Variants in ST3GAL5 observed in about 807,000 individuals in gnomAD.
ST3GAL5 encodes lactosylceramide alpha-2,3-sialyltransferase.
In ST3GAL5, 25 loss-of-function variants were observed where a neutral mutation model predicts 46.1. That is an observed-to-expected ratio of 0.54 (90% CI 0.40 to 0.76). ST3GAL5 has a LOEUF of 0.76. Ranked by LOEUF, ST3GAL5 falls within the 30% of genes least tolerant of loss-of-function variation. ST3GAL5 has a pLI of 0.00. For missense variants in ST3GAL5, 431 were observed against 521.2 expected (o/e 0.83, Z 1.69); for synonymous variants, 182 against 192.7 (o/e 0.94, Z 0.46).
chr2:85,888,670 G>C, intron 1 of ST3GAL5, 154 bp downstream of exon 1: 1 of 491,782 alleles, frequency 2.0e-6, no homozygotes, highest in Non-Finnish European at 2.9e-6. Flanking sequence ...CCGCGCCCCA[G>C]CCGGGCTCGC....
rs905087231 is a variant in ST3GAL5, at chr2:85,846,068, C to T, written c.849+309G>A. On this transcript the variant is annotated intron_variant, in intron 5 of 6. Transcript: ENST00000638572. ...AAAATTAACTGGGCGTGGTGGCAGG[C>T]GCCTGTAATCCTAGCTACTCGGGAG... The T allele has an allele frequency of 4.8e-5, 15 of 314,720 alleles. No individual in the cohort carries two copies. The East Asian group carries it at 7.2e-4, about 15-fold the overall frequency. 19.5% of individuals were successfully genotyped at this position (314,720 alleles called of 1,614,324 possible).
chr2:85,861,976 T>C (rs1009110399), intron 2 of ST3GAL5, among the ~76,000 whole-genome samples: 5 of 152,002 alleles, frequency 3.3e-5, no homozygotes, highest in African/African-American at 1.2e-4. Context: ...AATTCTGTTC[T>C]TGAAAAAACA....
intron 3 of ST3GAL5, chr2:85,848,434 G>T (rs1683087914): frequency 1.3e-6 from 2 of 1,503,334 alleles, no homozygotes; most frequent in South Asian, 2.4e-5. Context: ...TCATTTCATT[G>T]CACAGGCAAA....
chr2:85,840,720 C>T (rs1330743301), intron 6 of ST3GAL5, among the ~76,000 whole-genome samples: 5 of 151,696 alleles, frequency 3.3e-5, no homozygotes, highest in Admixed American at 2.6e-4. Flanking sequence ...CCGAGGTGGG[C>T]GGATCACGAG....
At chr2:85,847,531 AG>A in intron 4 of ST3GAL5, 1 of 1,096,620 alleles carries the variant, frequency 9.1e-7, no homozygotes, top group Non-Finnish European at 1.1e-6. Flanking sequence ...CTGTTCCTGG[AG>A]CCACACTGAC....
chr2:85,872,916 T>C (rs533781980), intron 1 of ST3GAL5, among the ~76,000 whole-genome samples: 1 of 152,294 alleles, frequency 6.6e-6, no homozygotes, highest in South Asian at 2.1e-4. Context: ...AGTGTTGGGA[T>C]GCATGCAGGT....
intron 4 of ST3GAL5, among the ~76,000 whole-genome samples, chr2:85,846,948 C>A (rs903526854): frequency 2.0e-5 from 3 of 152,146 alleles, no homozygotes; most frequent in Non-Finnish European, 4.4e-5. Context: ...TCTAGTCCAC[C>A]ATGCCTGGCT....
At chr2:85,854,722 G>C (rs1683908107) in intron 3 of ST3GAL5, 1 of 152,212 alleles carries the variant, frequency 6.6e-6, no homozygotes. Flanking sequence ...ATATATGTAA[G>C]TGCATATTAA....
intron 1 of ST3GAL5, among the ~76,000 whole-genome samples, chr2:85,868,334 C>T (rs1055086346): frequency 1.3e-5 from 2 of 152,206 alleles, no homozygotes; most frequent in African/African-American, 4.8e-5. Flanking sequence ...TGGGATCTTG[C>T]TCTGTCACCC....
rs1686461596 is a variant in ST3GAL5 at position 85,875,658 on chromosome 2, G to A, written c.83-12173C>T. The A allele has an allele frequency of 1.3e-5, 2 of 152,098 alleles. 1 individual carries two copies. The highest frequency in any genetic ancestry group is 4.1e-4 in the South Asian group (2 of 4,828). 9.4% of individuals were successfully genotyped at this position (152,098 alleles called of 1,614,324 possible). On this transcript the variant is annotated intron_variant, in intron 1 of 6. Coordinates refer to ENST00000638572, the MANE Select transcript of ST3GAL5 (RefSeq NM_003896.4). The stretch of plus-strand genomic sequence containing the variant: ...GAAAGCTGGAATAAGTGGGAGAAGT[G>A]GATTTAAGACAATAAAAATGAAAGA...
At chr2:85,875,704 G>A (rs1210927164) in intron 1 of ST3GAL5, among the ~76,000 whole-genome samples, 7 of 152,238 alleles carry the variant, frequency 4.6e-5, no homozygotes, top group Non-Finnish European at 7.4e-5. Flanking sequence ...ACACTGGGGC[G>A]GAGAAAACAG....
At chr2:85,840,612 C>T (rs188628028) in intron 6 of ST3GAL5, 1 of 588,132 alleles carries the variant, frequency 1.7e-6, no homozygotes, top group East Asian at 3.0e-5. Flanking sequence ...CACACACTTT[C>T]AAGGGGCAGC....
chr2:85,848,494 A>G, intron 3 of ST3GAL5: 1 of 1,082,396 alleles, frequency 9.2e-7, no homozygotes, highest in Non-Finnish European at 1.3e-6. Context: ...GTTCAAATAC[A>G]TTTGGGGTGA....
At chr2:85,853,435 G>A (rs902810175) in intron 3 of ST3GAL5, 1 of 257,172 alleles carries the variant, frequency 3.9e-6, no homozygotes, top group African/African-American at 2.2e-5. Context: ...GTGGGCTGCT[G>A]AGTGGAACCA....
chr2:85,844,548 A>T lies in ST3GAL5; in HGVS notation c.856T>A (p.Trp286Arg), dbSNP rs570665646. 7 of 1,614,144 alleles carry T rather than the reference A, an allele frequency of 4.3e-6. No homozygotes were observed. In the Admixed American group the frequency reaches 1.0e-4, roughly 23 times the overall value. The change falls in exon 6 of 7, where the codon TGG becomes AGG. Residue 286 changes from tryptophan to arginine, a missense_variant. Transcript: ENST00000638572. ...TGCTTCCAAAAGAAGAGTCGTACCCAGAATGGCTAAGGAAAGCAAGCAAGC... is the reference window on the plus strand; with the variant it reads ...TGCTTCCAAAAGAAGAGTCGTACCCTGAATGGCTAAGGAAAGCAAGCAAGC... ...AMVKKETLPF[W>R]VRLFFWKQVA...
chr2:85,852,914 A>G (rs1558663259), intron 3 of ST3GAL5: 1 of 1,304,136 alleles, frequency 7.7e-7, no homozygotes, highest in East Asian at 5.5e-5. Context: ...AAGGAGAGAA[A>G]AGACTCGGTT....
At position 85,840,093 on chromosome 2, in the gene ST3GAL5, A is replaced by G; in HGVS notation, c.*51T>C. 6.2e-7 allele frequency: 1 copy of G among 1,613,620 alleles called. No homozygotes were observed. Among genetic ancestry groups the G allele is most frequent in the Non-Finnish European group, 8.5e-7 (1 of 1,179,698 alleles). On this transcript the variant is annotated 3_prime_UTR_variant, in exon 7 of 7. Coordinates refer to ENST00000638572, the MANE Select transcript of ST3GAL5 (RefSeq NM_003896.4). ...GGAGAAATACATCAAGAAGGCTGTC[A>G]AAAACAGCTCTCAGAGTTAGAGTTG... is the stretch of plus-strand genomic sequence containing the variant.
chr2:85,858,016 A>T (rs1016659406), intron 3 of ST3GAL5: 1 of 152,264 alleles, frequency 6.6e-6, no homozygotes, highest in Non-Finnish European at 1.5e-5. Flanking sequence ...GAATTAGGAT[A>T]ATACCGATGG....
chr2:85,848,058 C>T lies in ST3GAL5; in HGVS notation c.465G>A (p.Glu155=), dbSNP rs199590656. The T allele has an allele frequency of 1.9e-4, 305 of 1,614,200 alleles. No individual in the cohort carries two copies. The East Asian group carries it at 5.8e-3, about 31-fold the overall frequency. The change falls in exon 4 of 7, where the codon GAG becomes GAA. Residue 155 remains glutamate (E), a synonymous_variant. Coordinates refer to ENST00000638572, the MANE Select transcript of ST3GAL5 (RefSeq NM_003896.4). ...VQKAPKDSEA[E]SKYDPPFGFR... is the part of the protein sequence containing the mutation. ...ACCCAAAAGGAGGATCGTACTTGGA[C>T]TCAGCTTCACTGTCTTTGGGGGCCT...
Sources: allele counts gnomAD v4.1 joint callset (sites outside exome capture counted in the v4.1 genomes callset), GRCh38; gene constraint gnomAD v4.1.1; transcripts MANE v1.5; gene names NCBI Gene and HGNC (gene_info 2026-07-23, HGNC 2026-07-21).